Variants in TGFBR1 observed in about 807,000 individuals in gnomAD.
TGFBR1 encodes the protein transforming growth factor beta receptor 1, also known as TGF-beta receptor type-1.
In TGFBR1, 20 loss-of-function variants were observed where a neutral mutation model predicts 55.1. The observed-to-expected ratio is 0.36, with a 90% CI of 0.26 to 0.53. The LOEUF is 0.53. Among genes scored for constraint, TGFBR1 ranks in the 20% least tolerant of loss-of-function variants. The pLI is 0.91. For synonymous variants in TGFBR1, 220 were observed against 214.8 expected (o/e 1.02, Z -0.21); for missense variants, 385 against 617.6 (o/e 0.62, Z 3.99).
At chr9:99,120,489 A>G (rs1826866765) in intron 1 of TGFBR1, among the ~76,000 whole-genome samples, 1 of 152,230 alleles carries the variant, frequency 6.6e-6, no homozygotes, top group East Asian at 1.9e-4. Context: ...AAACAAGGTC[A>G]CTTGACAGGA....
chr9:99,134,593 T>C (rs963162224), intron 3 of TGFBR1, among the ~76,000 whole-genome samples: 10 of 151,828 alleles, frequency 6.6e-5, no homozygotes, highest in Non-Finnish European at 1.5e-4. Flanking sequence ...GCTACAGATA[T>C]TTGGAATTAA....
chr9:99,139,486 C>G (rs1318904042), intron 4 of TGFBR1, among the ~76,000 whole-genome samples: 1 of 152,174 alleles, frequency 6.6e-6, no homozygotes, highest in Admixed American at 6.5e-5. Flanking sequence ...CCCTCATCGT[C>G]CAGCTTCAAC....
intron 1 of TGFBR1, among the ~76,000 whole-genome samples, chr9:99,122,805 C>G (rs1438467304): frequency 2.0e-5 from 3 of 152,094 alleles, no homozygotes; most frequent in Non-Finnish European, 1.5e-5. Context: ...GTTATAGTTG[C>G]AAGGGAGCTA....
Position 99,129,121 on chromosome 9 carries a change from T to C in TGFBR1, c.343+21T>C, listed in dbSNP as rs765289607. 3 of 1,612,770 alleles carry C rather than the reference T, an allele frequency of 1.9e-6. No homozygotes were observed. In the Admixed American group the frequency reaches 5.0e-5, roughly 27 times the overall value. On this transcript the variant is annotated intron_variant, in intron 2 of 8. Coordinates refer to ENST00000374994, the MANE Select transcript of TGFBR1 (RefSeq NM_004612.4). ...TACTGGTAAGTTGTATAAAATTTTT[T>C]TCCTAGATACTACAAGAAAAACTCT...
intron 1 of TGFBR1, among the ~76,000 whole-genome samples, chr9:99,120,730 G>A (rs771845871): frequency 6.6e-6 from 1 of 152,138 alleles, no homozygotes; most frequent in Non-Finnish European, 1.5e-5. Flanking sequence ...CTCACCTATT[G>A]TTTCCTCAGA....
chr9:99,118,014 A>G (rs985278902), intron 1 of TGFBR1, among the ~76,000 whole-genome samples: 1 of 152,162 alleles, frequency 6.6e-6, no homozygotes, highest in Non-Finnish European at 1.5e-5. Flanking sequence ...TCTCCTTTGT[A>G]ATTTCTATCA....
chr9:99,149,310 A>G lies in TGFBR1; in HGVS notation c.*5A>G, dbSNP rs201254457. The G allele has an allele frequency of 9.9e-6, 16 of 1,613,752 alleles. No individual in the cohort carries two copies. The highest frequency in any genetic ancestry group is 7.7e-5 in the South Asian group (7 of 91,076). On this transcript the variant is annotated 3_prime_UTR_variant, in exon 9 of 9. Coordinates refer to ENST00000374994, the MANE Select transcript of TGFBR1 (RefSeq NM_004612.4). The stretch of plus-strand genomic sequence containing the variant: ...CAGGAAGGCATCAAAATGTAATTCT[A>G]CAGCTTTGCCTGAACTCTCCTTTTT...
At position 99,147,676 on chromosome 9, in the gene TGFBR1, G is replaced by T. The variant is rs368928967; in HGVS notation, c.1278G>T (p.Leu426=). The T allele has an allele frequency of 9.3e-6, 15 of 1,613,334 alleles. No homozygotes were observed. Among genetic ancestry groups the T allele is most frequent in the Non-Finnish European group, 1.3e-5 (15 of 1,179,670 alleles). ...SIGGIHEDYQ[L]PYYDLVPSDP... ...CAGGAATTCATGAAGATTACCAACT[G>T]CCTTATTATGATCTTGTACCTTCTG... The change falls in exon 8 of 9, where the codon CTG becomes CTT. Residue 426 remains leucine (L), a synonymous_variant. Transcript: ENST00000374994.
rs1255825763 is a variant in TGFBR1 at position 99,153,434 on chromosome 9, T to C, written c.*4129T>C. On this transcript the variant is annotated 3_prime_UTR_variant, in exon 9 of 9. Coordinates refer to ENST00000374994, the MANE Select transcript of TGFBR1 (RefSeq NM_004612.4). ...AAGATATGTACAGAAAATGTCCATA[T>C]AAATTTCCATTGAAGTCGAATGATA... is the stretch of plus-strand genomic sequence containing the variant. The C allele has an allele frequency of 4.7e-6, 1 of 210,774 alleles. No homozygotes were observed. The highest frequency in any genetic ancestry group is 7.1e-5 in the East Asian group (1 of 14,034). 13.1% of individuals were successfully genotyped at this position (210,774 alleles called of 1,614,324 possible). A position where few individuals can be genotyped will look rare whatever the true frequency, so the allele number is the denominator to read the frequency against.
At chr9:99,142,168 C>T (rs2118772091) in intron 4 of TGFBR1, among the ~76,000 whole-genome samples, 1 of 151,998 alleles carries the variant, frequency 6.6e-6, no homozygotes, top group Non-Finnish European at 1.5e-5. Flanking sequence ...TTTTTTTAAC[C>T]TTCTCTCCTT....
At position 99,152,460 on chromosome 9, in the gene TGFBR1, C is replaced by T. The variant is rs900055683; in HGVS notation, c.*3155C>T. 8.7e-6 allele frequency: 2 copies of T among 229,996 alleles called. No individual in the cohort carries two copies. The highest frequency in any genetic ancestry group is 6.1e-5 in the East Asian group (1 of 16,308). The allele number at this position is 229,996 out of a possible 1,614,324, so 14.2% of individuals were successfully genotyped here. A position where few individuals can be genotyped will look rare whatever the true frequency, so the allele number is the denominator to read the frequency against. The stretch of plus-strand genomic sequence containing the variant: ...CTTGAGTTGGTGTACAGTGCCATGG[C>T]CATCAAGAATCCCAGATTTCAGGTT... On this transcript the variant is annotated 3_prime_UTR_variant, in exon 9 of 9. Coordinates refer to ENST00000374994, the MANE Select transcript of TGFBR1 (RefSeq NM_004612.4).
At chr9:99,145,535 C>G (rs1404895357) in intron 6 of TGFBR1, among the ~76,000 whole-genome samples, 1 of 152,206 alleles carries the variant, frequency 6.6e-6, no homozygotes, top group East Asian at 1.9e-4. Flanking sequence ...TTCCCAGCAT[C>G]CATCACAGTG....
intron 1 of TGFBR1, among the ~76,000 whole-genome samples, chr9:99,126,174 C>T (rs1266777316): frequency 1.3e-5 from 2 of 152,050 alleles, no homozygotes; most frequent in Non-Finnish European, 2.9e-5. Flanking sequence ...AGACCAAGGT[C>T]ATGAAAGACA....
chr9:99,146,450 T>C (rs1290449062), intron 6 of TGFBR1, 35 bp from the exon 7 acceptor site: 1 of 1,613,510 alleles, frequency 6.2e-7, no homozygotes, highest in Non-Finnish European at 8.5e-7. Flanking sequence ...AGTAAGGGGA[T>C]GATTTTCAAA....
rs1191425584 is a variant in TGFBR1 at position 99,149,227 on chromosome 9, T to C, written c.1434T>C (p.Asn478=). The change falls in exon 9 of 9, where the codon AAT becomes AAC. Residue 478 remains asparagine, a synonymous_variant. Coordinates refer to ENST00000374994, the MANE Select transcript of TGFBR1 (RefSeq NM_004612.4). ...TTATGAGAGAATGTTGGTATGCCAA[T>C]GGAGCAGCTAGGCTTACAGCATTGC... is the stretch of plus-strand genomic sequence containing the variant. ...AKIMRECWYA[N]GAARLTALRI... 6.2e-7 allele frequency: 1 copy of C among 1,613,628 alleles called. No homozygotes were observed. Among genetic ancestry groups the C allele is most frequent in the Non-Finnish European group, 8.5e-7 (1 of 1,179,804 alleles).
intron 7 of TGFBR1, 116 bp downstream of exon 7, chr9:99,146,725 A>C: frequency 6.6e-7 from 1 of 1,507,168 alleles, no homozygotes; most frequent in Non-Finnish European, 9.2e-7. Flanking sequence ...ACAGGATGTC[A>C]CCGAGTGCCA....
chr9:99,142,840 C>T (rs528878857), intron 5 of TGFBR1, 137 bp downstream of exon 5: 1 of 950,542 alleles, frequency 1.1e-6, no homozygotes, highest in South Asian at 1.4e-5. Flanking sequence ...GGGCAGATCG[C>T]CCGATCTCAG....
At chr9:99,129,413 A>T (rs1467009954) in intron 2 of TGFBR1, among the ~76,000 whole-genome samples, 1 of 152,208 alleles carries the variant, frequency 6.6e-6, no homozygotes, top group Non-Finnish European at 1.5e-5. Flanking sequence ...TCTCAGAGTG[A>T]ATTTCTTCTT....
chr9:99,124,524 TGGG>T (rs35128947), intron 1 of TGFBR1, among the ~76,000 whole-genome samples: 1 of 151,140 alleles, frequency 6.6e-6, no homozygotes. Flanking sequence ...AATAAAAGGT[TGGG>T]GGGGGCAGTA....
Sources: gnomAD v4.1 joint callset for allele counts (sites outside exome capture counted in the v4.1 genomes callset) on GRCh38, gnomAD v4.1.1 for gene constraint, MANE v1.5 for transcripts, NCBI Gene and HGNC (gene_info 2026-07-23, HGNC 2026-07-21) for gene names.